SRBD1: variants seen among roughly 807,000 people sequenced by gnomAD.
SRBD1 encodes the protein S1 RNA binding domain 1, also known as S1 RNA-binding domain-containing protein 1.
SRBD1 carries 88 observed loss-of-function variants against 115.3 expected under a neutral mutation model. The ratio of observed to expected loss-of-function variants is 0.76; its 90% CI spans 0.64 to 0.91. The LOEUF (loss-of-function observed/expected upper bound fraction) is 0.91. SRBD1 is among the 40% of genes least tolerant of loss of function. The pLI is 0.00. For synonymous variants in SRBD1, 509 were observed against 407.7 expected, an observed-to-expected ratio of 1.25 and a Z score of -2.99; for missense variants, 1,385 against 1,177.4, an observed-to-expected ratio of 1.18 and a Z score of -2.58.
intron 16 of SRBD1, among the ~76,000 whole-genome samples, chr2:45,449,827 C>T (rs1405675591): frequency 6.6e-6 from 1 of 152,148 alleles, no homozygotes; most frequent in East Asian, 1.9e-4. Flanking sequence ...CTAGAGTCAT[C>T]TTGAGTCAAC....
chr2:45,442,474 A>G (rs1282486944), intron 16 of SRBD1, among the ~76,000 whole-genome samples: 4 of 152,222 alleles, frequency 2.6e-5, no homozygotes, highest in Admixed American at 6.5e-5. Flanking sequence ...CCCACAGACT[A>G]ACTGTGCCGT....
Position 45,533,758 on chromosome 2 carries a change from A to C in SRBD1, c.1874+12974T>G, listed in dbSNP as rs568389705. ...CCAAAGTTCATCAATTGCTACATTA[A>C]TGCTGAACATGTTTAATTTACATTT... On this transcript the variant is annotated intron_variant, in intron 14 of 20. Transcript: ENST00000263736. Among the ~76,000 whole-genome samples the C allele has an allele frequency of 4.3e-4, 65 of 152,194 alleles. 1 individual carries two copies. The highest frequency in any genetic ancestry group is 8.2e-4 in the Non-Finnish European group (56 of 67,926).
At chr2:45,599,076 T>G (rs1161344197) in intron 4 of SRBD1, among the ~76,000 whole-genome samples, 1 of 152,214 alleles carries the variant, frequency 6.6e-6, no homozygotes, top group Non-Finnish European at 1.5e-5. Context: ...AATAGATGTA[T>G]GAACAGCCAG....
chr2:45,422,710 T>C (rs1668043361), intron 16 of SRBD1, among the ~76,000 whole-genome samples: 1 of 152,152 alleles, frequency 6.6e-6, no homozygotes, highest in Admixed American at 6.5e-5. Context: ...CTCTGCAGAG[T>C]TAAAAGCAAA....
intron 16 of SRBD1, among the ~76,000 whole-genome samples, chr2:45,461,362 G>C (rs77750527): frequency 0.018 from 2,704 of 152,252 alleles, 78 homozygotes; most frequent in African/African-American, 0.062. Flanking sequence ...GAAAATGACG[G>C]AGTCTTTCAA....
chr2:45,392,912 G>A (rs1476197005), intron 20 of SRBD1, 33 bp downstream of exon 20: 1 of 1,558,628 alleles, frequency 6.4e-7, no homozygotes, highest in Non-Finnish European at 8.7e-7. Flanking sequence ...CTATGCAAAT[G>A]CAAGGTGCTA....
chr2:45,433,364 A>T (rs62127105), intron 16 of SRBD1, among the ~76,000 whole-genome samples: 53,608 of 151,946 alleles, frequency 0.35, 10,302 homozygotes, highest in Non-Finnish European at 0.44. Flanking sequence ...TGCACCTCAA[A>T]ACGTCATGCT....
chr2:45,598,241 G>A (rs983565354), intron 4 of SRBD1, among the ~76,000 whole-genome samples: 1 of 152,268 alleles, frequency 6.6e-6, no homozygotes, highest in African/African-American at 2.4e-5. Flanking sequence ...TATTCATTCA[G>A]GAACAAGGTA....
At chr2:45,526,690 TGTCA>T (rs781381638) in intron 14 of SRBD1, among the ~76,000 whole-genome samples, 2 of 151,772 alleles carry the variant, frequency 1.3e-5, no homozygotes, top group Non-Finnish European at 2.9e-5. Context: ...GAAATCCAAA[TGTCA>T]ATCAACTCAA....
intron 7 of SRBD1, among the ~76,000 whole-genome samples, chr2:45,575,454 T>A (rs144371376): frequency 6.6e-6 from 1 of 152,234 alleles, no homozygotes; most frequent in Non-Finnish European, 1.5e-5. Flanking sequence ...TTTGTCTTTA[T>A]CATTCTATTT....
At chr2:45,535,318 T>C (rs925382651) in intron 14 of SRBD1, among the ~76,000 whole-genome samples, 1 of 152,004 alleles carries the variant, frequency 6.6e-6, no homozygotes, top group Non-Finnish European at 1.5e-5. Flanking sequence ...CTAATTTTCC[T>C]AACAGAAAAT....
intron 14 of SRBD1, chr2:45,546,460 T>G: frequency 1.6e-6 from 1 of 619,934 alleles, no homozygotes; most frequent in Non-Finnish European, 2.0e-6. Context: ...CCTCACACAA[T>G]GTATAGCCTA....
chr2:45,567,736 T>C (rs1203438343), intron 9 of SRBD1, among the ~76,000 whole-genome samples: 2 of 152,244 alleles, frequency 1.3e-5, no homozygotes, highest in African/African-American at 2.4e-5. Flanking sequence ...GACTTCCGTA[T>C]TTGCTATAGG....
At chr2:45,464,888 T>C (rs1025729325) in intron 16 of SRBD1, among the ~76,000 whole-genome samples, 16 of 152,128 alleles carry the variant, frequency 1.1e-4, no homozygotes, top group African/African-American at 3.6e-4. Context: ...AAAAAGGCTA[T>C]TTATGAAATA....
intron 19 of SRBD1, among the ~76,000 whole-genome samples, chr2:45,399,129 G>C (rs2103827196): frequency 6.6e-6 from 1 of 151,642 alleles, no homozygotes; most frequent in East Asian, 1.9e-4. Context: ...CCCTTTTCCT[G>C]TGAGTATGGT....
chr2:45,458,127 T>A (rs1049929725), intron 16 of SRBD1, among the ~76,000 whole-genome samples: 5 of 152,078 alleles, frequency 3.3e-5, no homozygotes, highest in African/African-American at 1.2e-4. Flanking sequence ...GAACTTGTGA[T>A]GTTACTTTGG....
chr2:45,610,634 C>T (rs1558512414), intron 1 of SRBD1, among the ~76,000 whole-genome samples: 1 of 152,208 alleles, frequency 6.6e-6, no homozygotes, highest in Non-Finnish European at 1.5e-5. Context: ...CCAATTCATT[C>T]CTTTCCTCCG....
chr2:45,534,017 A>G (rs554076337), intron 14 of SRBD1, among the ~76,000 whole-genome samples: 8 of 152,032 alleles, frequency 5.3e-5, no homozygotes, highest in Non-Finnish European at 1.2e-4. Flanking sequence ...GAGGGGCTAC[A>G]GTGAGGGGGT....
At chr2:45,536,434 G>C (rs1219433296) in intron 14 of SRBD1, among the ~76,000 whole-genome samples, 2 of 151,828 alleles carry the variant, frequency 1.3e-5, no homozygotes, top group Non-Finnish European at 1.5e-5. Context: ...ATTTTTATTT[G>C]TGTTTTTCTC....
Sources: gnomAD v4.1 joint callset for allele counts (sites outside exome capture counted in the v4.1 genomes callset) on GRCh38, gnomAD v4.1.1 for gene constraint, MANE v1.5 for transcripts, NCBI Gene and HGNC (gene_info 2026-07-23, HGNC 2026-07-21) for gene names.